ABCA1: variants seen among roughly 807,000 people sequenced by gnomAD.
ABCA1 encodes ATP binding cassette subfamily A member 1.
In ABCA1, 133 loss-of-function variants were observed where a neutral mutation model predicts 262.5. The ratio of observed to expected loss-of-function variants is 0.51; its 90% CI spans 0.44 to 0.59. ABCA1 has a LOEUF of 0.59. ABCA1 is among the 20% of genes least tolerant of loss of function. The probability of loss-of-function intolerance (pLI) is 0.00; values close to 1 mark genes in which losing one functional copy is unlikely to be tolerated. For missense variants in ABCA1, 2,452 were observed against 2,777.5 expected (o/e 0.88, Z 2.63); for synonymous variants, 1,022 against 1,043.5 (o/e 0.98, Z 0.40).
intron 16 of ABCA1, among the ~76,000 whole-genome samples, chr9:104,826,557 C>T (rs1332401737): frequency 6.6e-6 from 1 of 152,208 alleles, no homozygotes; most frequent in African/African-American, 2.4e-5. Context: ...TCTCTGACAT[C>T]AAGAGTTTTC....
At chr9:104,814,565 G>T in intron 25 of ABCA1, 90 bp from the exon 26 acceptor site, 1 of 1,256,784 alleles carries the variant, frequency 8.0e-7, no homozygotes, top group Non-Finnish European at 1.2e-6. Context: ...TGAGTGGCAT[G>T]TTAGCCCCGT....
intron 5 of ABCA1, among the ~76,000 whole-genome samples, chr9:104,882,198 C>T (rs1182002023): frequency 6.6e-6 from 1 of 152,194 alleles, no homozygotes; most frequent in Non-Finnish European, 1.5e-5. Context: ...AAGCACTTCC[C>T]TGGAGCAGTG....
intron 4 of ABCA1, among the ~76,000 whole-genome samples, chr9:104,883,970 G>A (rs181237585): frequency 6.6e-6 from 1 of 152,210 alleles, no homozygotes; most frequent in Admixed American, 6.5e-5. Context: ...TGCAGACATT[G>A]TAGTCTGATG....
At chr9:104,843,910 G>A (rs1189181633) in intron 8 of ABCA1, among the ~76,000 whole-genome samples, 1 of 152,020 alleles carries the variant, frequency 6.6e-6, no homozygotes, top group Non-Finnish European at 1.5e-5. Flanking sequence ...CCTGGACCAG[G>A]AGCAAGCAGG....
At position 104,806,314 on chromosome 9, in the gene ABCA1, T is replaced by C. The variant is rs767640497; in HGVS notation, c.4391A>G (p.Gln1464Arg). Residue 1464 changes from glutamine (Q) to arginine (R), a missense_variant, in exon 31 of 50, where the codon CAG becomes CGG. Physicochemically the swap from Gln to Arg is conservative, Grantham distance 43 (BLOSUM62 1). Coordinates refer to ENST00000374736, the MANE Select transcript of ABCA1 (RefSeq NM_005502.4). ...CTTCTTGATTTTGTCGCTGCTACACTGGCATGCAGGTGAAGGGTTCTGCAT... is the reference window on the plus strand; with the variant it reads ...CTTCTTGATTTTGTCGCTGCTACACCGGCATGCAGGTGAAGGGTTCTGCAT... ...WTMQNPSPAC[Q>R]CSSDKIKKML... 18 of 1,614,148 alleles carry C rather than the reference T, an allele frequency of 1.1e-5. No individual in the cohort carries two copies. The highest frequency in any genetic ancestry group is 3.3e-5 in the Admixed American group (2 of 60,026).
chr9:104,858,814 CA>C, intron 6 of ABCA1, 116 bp from the exon 7 acceptor site: 1 of 1,050,434 alleles, frequency 9.5e-7, no homozygotes, highest in Non-Finnish European at 1.5e-6. Flanking sequence ...GATCTTAAAA[CA>C]GGTTCCATTG....
intron 1 of ABCA1, among the ~76,000 whole-genome samples, chr9:104,914,517 A>G (rs1463849167): frequency 6.6e-6 from 1 of 150,810 alleles, no homozygotes; most frequent in Non-Finnish European, 1.5e-5. Flanking sequence ...AAAAAAAAAG[A>G]GAGAAATCTG....
intron 1 of ABCA1, among the ~76,000 whole-genome samples, chr9:104,924,916 A>C (rs1324132350): frequency 6.6e-6 from 1 of 152,200 alleles, no homozygotes; most frequent in Non-Finnish European, 1.5e-5. Context: ...AAGATAATAA[A>C]AAGCTAAGTC....
At chr9:104,819,405 T>C (rs1357637390) in intron 22 of ABCA1, among the ~76,000 whole-genome samples, 181 bp downstream of exon 22, 2 of 152,174 alleles carry the variant, frequency 1.3e-5, no homozygotes, top group Non-Finnish European at 2.9e-5. Context: ...GACAAAAAGA[T>C]GAATAAAGAC....
intron 1 of ABCA1, among the ~76,000 whole-genome samples, chr9:104,914,449 G>A (rs564413559): frequency 1.1e-4 from 17 of 150,618 alleles, no homozygotes; most frequent in South Asian, 2.1e-4. Flanking sequence ...GCAGTGAGCC[G>A]AGATCATGCC....
chr9:104,789,078 G>A (rs1486440638), intron 44 of ABCA1, among the ~76,000 whole-genome samples: 1 of 152,206 alleles, frequency 6.6e-6, no homozygotes, highest in Non-Finnish European at 1.5e-5. Context: ...GAGAAGTTCA[G>A]TGTTCACGTT....
At chr9:104,910,217 G>A (rs4149265) in intron 1 of ABCA1, among the ~76,000 whole-genome samples, 38,703 of 151,944 alleles carry the variant, frequency 0.25, 5,578 homozygotes, top group East Asian at 0.58. Context: ...AAGAGGAGAG[G>A]CTTCCACAAA....
Position 104,840,390 on chromosome 9 carries a change from C to G in ABCA1, c.943G>C (p.Gly315Arg), listed in dbSNP as rs149241786. The G allele has an allele frequency of 1.9e-6, 3 of 1,614,218 alleles. No homozygotes were observed. Among genetic ancestry groups the G allele is most frequent in the Non-Finnish European group, 2.5e-6 (3 of 1,180,046 alleles). The change falls in exon 9 of 50, where the codon GGG becomes CGG. Residue 315 changes from glycine to arginine, a missense_variant. Coordinates refer to ENST00000374736, the MANE Select transcript of ABCA1 (RefSeq NM_005502.4). ...SRIVCGHPEGGGLKIKSLNWY... is the reference protein window; with the variant it reads ...SRIVCGHPEGRGLKIKSLNWY... ...TTGAGAGACTTGATCTTCAGCCCCC[C>G]TCCCTCGGGATGCCCGCAGACAATA...
intron 1 of ABCA1, among the ~76,000 whole-genome samples, chr9:104,909,118 G>A (rs1017766505): frequency 6.6e-6 from 1 of 152,150 alleles, no homozygotes; most frequent in African/African-American, 2.4e-5. Context: ...TGATCGCCTT[G>A]GAAGAGGAAT....
chr9:104,889,272 C>A, intron 2 of ABCA1, 77 bp from the exon 3 acceptor site: 1 of 1,548,520 alleles, frequency 6.5e-7, no homozygotes, highest in Admixed American at 1.9e-5. Context: ...TCTGGGAAAT[C>A]CACAGACAAC....
intron 7 of ABCA1, among the ~76,000 whole-genome samples, chr9:104,852,002 C>T (rs1835422238): frequency 6.6e-6 from 1 of 152,138 alleles, no homozygotes; most frequent in African/African-American, 2.4e-5. Context: ...AATTCTATGA[C>T]AAAATGAGAC....
intron 2 of ABCA1, among the ~76,000 whole-genome samples, chr9:104,896,731 T>TA (rs1410464062): frequency 8.8e-5 from 11 of 125,688 alleles, no homozygotes; most frequent in African/African-American, 3.4e-4. Flanking sequence ...TTTTTTTTTT[T>TA]TTTTTTTTTT....
chr9:104,832,667 C>T lies in ABCA1; in HGVS notation c.1416G>A (p.Glu472=), dbSNP rs1833448658. 3.1e-6 allele frequency: 5 copies of T among 1,614,188 alleles called. No homozygotes were observed. The highest frequency in any genetic ancestry group is 4.2e-6 in the Non-Finnish European group (5 of 1,180,048). ...DIVAFLAKHP[E]DVQSSNGSVY... The stretch of plus-strand genomic sequence containing the variant: ...CAGAACCATTACTGGACTGGACATC[C>T]TCTGGGTGCTTGGCCAAAAACGCCA... Residue 472 remains glutamate (E), a synonymous_variant, in exon 12 of 50, where the codon GAG becomes GAA. Transcript: ENST00000374736.
chr9:104,903,589 C>T, intron 2 of ABCA1, 25 bp downstream of exon 2: 5 of 1,569,062 alleles, frequency 3.2e-6, no homozygotes, highest in Non-Finnish European at 4.3e-6. Flanking sequence ...AGAGAACCCC[C>T]CGCTGCTGAA....
Sources: allele counts gnomAD v4.1 joint callset (sites outside exome capture counted in the v4.1 genomes callset), GRCh38; gene constraint gnomAD v4.1.1; transcripts MANE v1.5; gene names NCBI Gene and HGNC (gene_info 2026-07-23, HGNC 2026-07-21).